XPO4: variants seen among roughly 807,000 people sequenced by gnomAD.
XPO4 encodes the protein exportin-4.
A neutral mutation model predicts 143.0 loss-of-function variants in XPO4; 39 were observed. The observed-to-expected ratio is 0.27, with a 90% CI of 0.21 to 0.36. XPO4 has a LOEUF of 0.36. Ranked by LOEUF, XPO4 falls within the 10% of genes least tolerant of loss-of-function variation. The pLI, the probability that XPO4 is intolerant of heterozygous loss-of-function variation, is 1.00. For missense variants in XPO4, 907 were observed against 1,348.0 expected (o/e 0.67, Z 5.12); for synonymous variants, 439 against 474.0 (o/e 0.93, Z 0.96).
Position 20,777,726 on chromosome 13 carries a change from A to C in XPO4, c.*5996T>G, listed in dbSNP as rs1176568140. ...CACTACTGTGGGAATAAAAATGTTT[A>C]GCAGATCCTATTTGCTTTTGTTCAT... is the stretch of plus-strand genomic sequence containing the variant. On this transcript the variant is annotated 3_prime_UTR_variant, in exon 23 of 23. Coordinates refer to ENST00000255305, the MANE Select transcript of XPO4 (RefSeq NM_022459.5). The C allele has an allele frequency of 1.3e-5, 2 of 152,234 alleles. No homozygotes were observed. Among genetic ancestry groups the C allele is most frequent in the African/African-American group, 2.4e-5 (1 of 41,466 alleles). The allele number at this position is 152,234 out of a possible 1,614,324, so 9.4% of individuals were successfully genotyped here. A position where few individuals can be genotyped will look rare whatever the true frequency, so the allele number is the denominator to read the frequency against.
rs183796771 is a variant in XPO4, at chr13:20,853,129, G to A, written c.456+2498C>T. On this transcript the variant is annotated intron_variant, in intron 4 of 22. Coordinates refer to ENST00000255305, the MANE Select transcript of XPO4 (RefSeq NM_022459.5). ...AGAGATCACTTGAGCCCAGGAGTTCGAGACCAGCCTAGGCAACATAGTGAA... is the reference window on the plus strand; with the variant it reads ...AGAGATCACTTGAGCCCAGGAGTTCAAGACCAGCCTAGGCAACATAGTGAA... 1.6e-5 allele frequency: 12 copies of A among 749,742 alleles called. No homozygotes were observed. The South Asian group carries it at 2.4e-4, about 15-fold the overall frequency. 46.4% of individuals were successfully genotyped at this position (749,742 alleles called of 1,614,324 possible).
chr13:20,842,053 C>G (rs1742865098), intron 6 of XPO4, among the ~76,000 whole-genome samples: 1 of 152,096 alleles, frequency 6.6e-6, no homozygotes, highest in Non-Finnish European at 1.5e-5. Context: ...TAAATAGTAA[C>G]TAACTCCTGA....
intron 1 of XPO4, among the ~76,000 whole-genome samples, chr13:20,881,912 A>G (rs921781937): frequency 6.6e-6 from 1 of 151,986 alleles, no homozygotes; most frequent in Non-Finnish European, 1.5e-5. Flanking sequence ...GTTTGAGACC[A>G]GTCTGGCCAA....
intron 1 of XPO4, 101 bp from the exon 2 acceptor site, chr13:20,868,802 G>T: frequency 2.0e-6 from 2 of 1,024,260 alleles, no homozygotes; most frequent in East Asian, 2.6e-5. Flanking sequence ...TTCACTTTTG[G>T]GGGGCAAGAG....
intron 3 of XPO4, 130 bp from the exon 4 acceptor site, chr13:20,855,895 TGTACAGACTCCAAAGCCAGGAGGCCTGG>T (rs759375372): frequency 3.1e-4 from 309 of 987,176 alleles, no homozygotes; most frequent in Non-Finnish European, 4.2e-4. Flanking sequence ...CAAAGGGTTA[TGTACAGACTCCAAAGCCAGGAGGCCTGG>T]GTTCAAACCC....
Position 20,781,159 on chromosome 13 carries a change from G to A in XPO4, c.*2563C>T, listed in dbSNP as rs1003928524. 6.6e-6 allele frequency: 1 copy of A among 152,096 alleles called. No individual in the cohort carries two copies. Among genetic ancestry groups the A allele is most frequent in the Non-Finnish European group, 1.5e-5 (1 of 68,024 alleles). The allele number at this position is 152,096 out of a possible 1,614,324, so 9.4% of individuals were successfully genotyped here. ...TGTTTTAAAAAATATTTTAACAACAGTTTTAATAGAAAAAAAATCAACTGA... is the reference window on the plus strand; with the variant it reads ...TGTTTTAAAAAATATTTTAACAACAATTTTAATAGAAAAAAAATCAACTGA... On this transcript the variant is annotated 3_prime_UTR_variant, in exon 23 of 23. Transcript: ENST00000255305.
In XPO4 at chr13:20,778,431, A is replaced by C. The variant is rs1406084812; in HGVS notation, c.*5291T>G. Reference sequence around the variant, plus strand: ...TTAACTTTTCACTTCATATGTTTACAAGATTTAACACTGGGCAAAGGGTGG... The same window carrying C: ...TTAACTTTTCACTTCATATGTTTACCAGATTTAACACTGGGCAAAGGGTGG... On this transcript the variant is annotated 3_prime_UTR_variant, in exon 23 of 23. Coordinates refer to ENST00000255305, the MANE Select transcript of XPO4 (RefSeq NM_022459.5). 6.6e-6 allele frequency: 1 copy of C among 152,224 alleles called. No homozygotes were observed. Among genetic ancestry groups the C allele is most frequent in the African/African-American group, 2.4e-5 (1 of 41,460 alleles). The allele number at this position is 152,224 out of a possible 1,614,324, so 9.4% of individuals were successfully genotyped here. A position where few individuals can be genotyped will look rare whatever the true frequency, so the allele number is the denominator to read the frequency against.
intron 1 of XPO4, among the ~76,000 whole-genome samples, chr13:20,890,018 AG>A (rs1482226106): frequency 6.6e-6 from 1 of 152,354 alleles, no homozygotes; most frequent in African/African-American, 2.4e-5. Context: ...TGCTAGAGCA[AG>A]AAAAAGAACC....
At position 20,783,041 on chromosome 13, in the gene XPO4, A is replaced by T. The variant is rs2059159614; in HGVS notation, c.*681T>A. On this transcript the variant is annotated 3_prime_UTR_variant, in exon 23 of 23. Coordinates refer to ENST00000255305, the MANE Select transcript of XPO4 (RefSeq NM_022459.5). ...AGCAAGCAAGCAAGAAAGCAAGCTA[A>T]GAAAAAGCCAACAAACCCCTGGTGA... 6.6e-6 allele frequency: 1 copy of T among 152,342 alleles called. No individual in the cohort carries two copies. The allele number at this position is 152,342 out of a possible 1,614,324, so 9.4% of individuals were successfully genotyped here. A position where few individuals can be genotyped will look rare whatever the true frequency, so the allele number is the denominator to read the frequency against.
rs1016112143 is a variant in XPO4 at position 20,790,689 on chromosome 13, A to G, written c.2798-109T>C. The G allele has an allele frequency of 1.5e-5, 12 of 808,852 alleles. No individual in the cohort carries two copies. The African/African-American group carries it at 1.5e-4, about 10-fold the overall frequency. 50.1% of individuals were successfully genotyped at this position (808,852 alleles called of 1,614,324 possible). ...TCACCCCTAGAGGCTAAATAAATCA[A>G]TGAGTGAATAATAAAGAATCTGACC... On this transcript the variant is annotated intron_variant, in intron 18 of 22. Coordinates refer to ENST00000255305, the MANE Select transcript of XPO4 (RefSeq NM_022459.5).
chr13:20,831,331 A>G (rs1305768970), intron 6 of XPO4, among the ~76,000 whole-genome samples: 1 of 152,194 alleles, frequency 6.6e-6, no homozygotes, highest in Non-Finnish European at 1.5e-5. Context: ...AGTTTGGTTT[A>G]TAGTCACCAC....
intron 4 of XPO4, among the ~76,000 whole-genome samples, chr13:20,844,478 G>A (rs2060010287): frequency 6.6e-6 from 1 of 152,140 alleles, no homozygotes; most frequent in Admixed American, 6.5e-5. Context: ...TCAACTCATT[G>A]ATTTTATTCC....
chr13:20,830,005 T>C (rs1208745319), intron 6 of XPO4, among the ~76,000 whole-genome samples: 4 of 152,236 alleles, frequency 2.6e-5, no homozygotes, highest in African/African-American at 9.6e-5. Flanking sequence ...GAGTTTTATT[T>C]AAAAAGGGTT....
chr13:20,855,682 C>T lies in XPO4; in HGVS notation c.401G>A (p.Cys134Tyr). 1 of 1,612,478 alleles carries T rather than the reference C, an allele frequency of 6.2e-7. No individual in the cohort carries two copies. The highest frequency in any genetic ancestry group is 8.5e-7 in the Non-Finnish European group (1 of 1,179,664). ...GCTGACTTCATGAAAAATGCTTTTG[C>T]AGTCAATTGATTTATCTAATGATCC... ...KRGSLDKSID[C>Y]KSIFHEVSQL... The change falls in exon 4 of 23, where the codon TGC (cysteine) becomes TAC (tyrosine). Residue 134 changes from cysteine to tyrosine, a missense_variant. By Grantham distance (194) the Cys-to-Tyr change is radical (BLOSUM62 -2). Coordinates refer to ENST00000255305, the MANE Select transcript of XPO4 (RefSeq NM_022459.5).
chr13:20,881,483 G>A (rs934380833), intron 1 of XPO4, among the ~76,000 whole-genome samples: 1 of 151,894 alleles, frequency 6.6e-6, no homozygotes, highest in Non-Finnish European at 1.5e-5. Context: ...TGTTAGCCAG[G>A]ATGGCCTCGA....
chr13:20,785,407 C>A (rs567264355), intron 22 of XPO4, among the ~76,000 whole-genome samples: 14 of 152,162 alleles, frequency 9.2e-5, no homozygotes, highest in Admixed American at 5.9e-4. Context: ...CATGGTGGCT[C>A]ACACCTGTAA....
At chr13:20,857,107 A>G (rs1219095407) in intron 3 of XPO4, among the ~76,000 whole-genome samples, 1 of 152,254 alleles carries the variant, frequency 6.6e-6, no homozygotes, top group Non-Finnish European at 1.5e-5. Context: ...TCTTTCACTC[A>G]TTAAGCAAAT....
At position 20,809,970 on chromosome 13, in the gene XPO4, A is replaced by G. The variant is rs1385796687; in HGVS notation, c.1174-3T>C. On this transcript the variant is annotated splice_region_variant and splice_polypyrimidine_tract_variant and intron_variant, in intron 9 of 22. Coordinates refer to ENST00000255305, the MANE Select transcript of XPO4 (RefSeq NM_022459.5). ...TATACCATGTCATCTTTATCAAGCT[A>G]AAAGAAAAGAACACTCATAAAACAA... The G allele has an allele frequency of 1.3e-6, 2 of 1,596,402 alleles. No homozygotes were observed. Among genetic ancestry groups the G allele is most frequent in the Non-Finnish European group, 8.5e-7 (1 of 1,172,096 alleles).
chr13:20,878,913 C>A (rs1209100356), intron 1 of XPO4, among the ~76,000 whole-genome samples: 1 of 152,006 alleles, frequency 6.6e-6, no homozygotes, highest in African/African-American at 2.4e-5. Flanking sequence ...AATAAGTGGG[C>A]CTTCTATTCT....
Sources: gnomAD v4.1 joint callset for allele counts (sites outside exome capture counted in the v4.1 genomes callset) on GRCh38, gnomAD v4.1.1 for gene constraint, MANE v1.5 for transcripts, NCBI Gene and HGNC (gene_info 2026-07-23, HGNC 2026-07-21) for gene names.